SNX29: variants seen among roughly 807,000 people sequenced by gnomAD.
SNX29 encodes the protein sorting nexin 29.
In SNX29, 78 loss-of-function variants were observed where a neutral mutation model predicts 102.1. That is an observed-to-expected ratio of 0.76 (90% CI 0.64 to 0.92). The LOEUF (loss-of-function observed/expected upper bound fraction) is 0.92, where lower values mean the gene tolerates loss of function less well. Among genes scored for constraint, SNX29 ranks in the 40% least tolerant of loss-of-function variants. The probability of loss-of-function intolerance (pLI) is 0.00; values close to 1 mark genes in which losing one functional copy is unlikely to be tolerated. For synonymous variants in SNX29, 580 were observed against 414.5 expected, an observed-to-expected ratio of 1.40 and a Z score of -4.85; for missense variants, 1,280 against 1,061.7, an observed-to-expected ratio of 1.21 and a Z score of -2.86.
chr16:12,522,732 C>T (rs554878334), intron 19 of SNX29, among the ~76,000 whole-genome samples: 6 of 152,310 alleles, frequency 3.9e-5, no homozygotes, highest in Admixed American at 6.5e-5. Context: ...ACCATGTTTC[C>T]TGTACAGCCT....
At position 12,570,263 on chromosome 16, in the gene SNX29, G is replaced by T; in HGVS notation, c.*1634G>T. 1 of 1,065,146 alleles carries T rather than the reference G, an allele frequency of 9.4e-7. No homozygotes were observed. The highest frequency in any genetic ancestry group is 4.6e-5 in the South Asian group (1 of 21,962). The allele number at this position is 1,065,146 out of a possible 1,614,324, so 66.0% of individuals were successfully genotyped here. ...GACCAAATGAGCTGGAGCATGTATG[G>T]AGGTGCGGACCCTGCAGTCAGTTTG... On this transcript the variant is annotated 3_prime_UTR_variant, in exon 21 of 21. Coordinates refer to ENST00000566228, the MANE Select transcript of SNX29 (RefSeq NM_032167.5).
chr16:12,167,622 T>C (rs1456729241), intron 13 of SNX29, among the ~76,000 whole-genome samples: 1 of 151,928 alleles, frequency 6.6e-6, no homozygotes, highest in African/African-American at 2.4e-5. Flanking sequence ...ATTTATTGAG[T>C]GTTTAGTGTG....
chr16:12,037,915 A>T (rs1028233365), intron 4 of SNX29, among the ~76,000 whole-genome samples: 1 of 152,122 alleles, frequency 6.6e-6, no homozygotes, highest in African/African-American at 2.4e-5. Context: ...TGATTGTGCC[A>T]CTGTGCTCTA....
chr16:12,554,289 G>A (rs77821036), intron 20 of SNX29, among the ~76,000 whole-genome samples: 2,144 of 152,282 alleles, frequency 0.014, 47 homozygotes, highest in African/African-American at 0.048. Context: ...ATGGGTGCTT[G>A]CTTCATATGA....
intron 20 of SNX29, among the ~76,000 whole-genome samples, chr16:12,555,997 G>A (rs567480446): frequency 7.4e-5 from 11 of 149,488 alleles, no homozygotes; most frequent in South Asian, 2.1e-4. Context: ...TGTTTTTTTT[G>A]TTCACTTGTC....
chr16:12,470,182 A>T (rs1439399436), intron 18 of SNX29, among the ~76,000 whole-genome samples: 1 of 152,196 alleles, frequency 6.6e-6, no homozygotes, highest in East Asian at 1.9e-4. Flanking sequence ...ATGCAGAAAA[A>T]AGTATTTAGT....
At chr16:12,395,643 C>T (rs2083692563) in intron 16 of SNX29, among the ~76,000 whole-genome samples, 1 of 152,142 alleles carries the variant, frequency 6.6e-6, no homozygotes, top group Non-Finnish European at 1.5e-5. Context: ...GTTTGTGCCC[C>T]ATATTGAGGG....
chr16:12,566,204 A>C (rs543552380), intron 20 of SNX29, among the ~76,000 whole-genome samples: 28 of 152,338 alleles, frequency 1.8e-4, no homozygotes, highest in African/African-American at 6.7e-4. Flanking sequence ...CCACCACAGT[A>C]CTAGGATATG....
chr16:12,131,710 G>C (rs570511266), intron 13 of SNX29, among the ~76,000 whole-genome samples: 1 of 152,318 alleles, frequency 6.6e-6, no homozygotes, highest in African/African-American at 2.4e-5. Context: ...CACGTCTTGT[G>C]GATGTGCAAG....
Position 12,570,125 on chromosome 16 carries a change from CT to C in SNX29, c.*1499del, listed in dbSNP as rs2079155510. ...AGCAAAAAGGAAGATTGTTCATGGC[CT>C]TTAAGGAAGGCTGAGATCACTCACA... On this transcript the variant is annotated 3_prime_UTR_variant, in exon 21 of 21. Transcript: ENST00000566228. 1 of 1,046,714 alleles carries C rather than the reference CT, an allele frequency of 9.6e-7. No homozygotes were observed. The highest frequency in any genetic ancestry group is 5.0e-5 in the East Asian group (1 of 19,844). The allele number at this position is 1,046,714 out of a possible 1,614,324, so 64.8% of individuals were successfully genotyped here.
chr16:12,510,506 C>A (rs765752402), intron 19 of SNX29, among the ~76,000 whole-genome samples: 3 of 152,034 alleles, frequency 2.0e-5, no homozygotes, highest in Non-Finnish European at 4.4e-5. Flanking sequence ...AACCCTGTCT[C>A]TACTAAAAAG....
intron 20 of SNX29, 137 bp from the exon 21 acceptor site, chr16:12,568,369 G>A (rs561678917): frequency 5.1e-6 from 6 of 1,184,278 alleles, no homozygotes; most frequent in Admixed American, 2.3e-5. Context: ...GGTGGCACCA[G>A]TTAGAGGCAG....
intron 18 of SNX29, among the ~76,000 whole-genome samples, chr16:12,429,341 T>C (rs534835719): frequency 6.6e-6 from 1 of 152,368 alleles, no homozygotes; most frequent in African/African-American, 2.4e-5. Context: ...ACGATTGCAG[T>C]TGATATCTCC....
intron 20 of SNX29, among the ~76,000 whole-genome samples, chr16:12,563,177 A>C (rs979922922): frequency 4.9e-5 from 7 of 142,266 alleles, no homozygotes; most frequent in African/African-American, 1.9e-4. Context: ...GGGCTCAGGG[A>C]TGTCACTTCC....
At chr16:12,200,590 C>G (rs2076889478) in intron 14 of SNX29, among the ~76,000 whole-genome samples, 2 of 152,054 alleles carry the variant, frequency 1.3e-5, no homozygotes, top group South Asian at 4.2e-4. Context: ...TCAAGCGATT[C>G]TCCTGCCTCA....
rs1274249931 is a variant in SNX29, at chr16:12,568,905, T to TC, written c.*278dup. ...GTCTACCCTGGGCTGCAAGGGCTGT[T>TC]CCTCCACCTTTCTGTAGTTCAGGGC... On this transcript the variant is annotated 3_prime_UTR_variant, in exon 21 of 21. Coordinates refer to ENST00000566228, the MANE Select transcript of SNX29 (RefSeq NM_032167.5). 2.1e-6 allele frequency: 1 copy of TC among 473,552 alleles called. No homozygotes were observed. Among genetic ancestry groups the TC allele is most frequent in the Admixed American group, 4.0e-5 (1 of 25,266 alleles). The allele number at this position is 473,552 out of a possible 1,614,324, so 29.3% of individuals were successfully genotyped here. A position where few individuals can be genotyped will look rare whatever the true frequency, so the allele number is the denominator to read the frequency against.
chr16:12,050,642 G>A (rs2050260687), intron 7 of SNX29, among the ~76,000 whole-genome samples: 1 of 152,022 alleles, frequency 6.6e-6, no homozygotes, highest in African/African-American at 2.4e-5. Context: ...CAGGGCCACT[G>A]TCCAGGAAAG....
chr16:12,363,692 C>A (rs1345456671), intron 16 of SNX29, among the ~76,000 whole-genome samples: 2 of 152,170 alleles, frequency 1.3e-5, no homozygotes, highest in African/African-American at 4.8e-5. Context: ...GTGCATAGAC[C>A]AAATGATAAT....
chr16:12,365,749 A>C lies in SNX29; in HGVS notation c.1899+9470A>C, dbSNP rs1304409723. Reference sequence around the variant, plus strand: ...TCTAGAGAAGGCAGAGTTGCCCAAAAGCAGAACAGTGGGCCGGGCGCGGTG... The same window carrying C: ...TCTAGAGAAGGCAGAGTTGCCCAAACGCAGAACAGTGGGCCGGGCGCGGTG... On this transcript the variant is annotated intron_variant, in intron 16 of 20. Coordinates refer to ENST00000566228, the MANE Select transcript of SNX29 (RefSeq NM_032167.5). 3.3e-5 allele frequency among the ~76,000 whole-genome samples: 5 copies of C among 150,520 alleles called. 1 individual carries two copies. In the South Asian group the frequency reaches 8.4e-4, roughly 25 times the overall value.
Sources: allele counts gnomAD v4.1 joint callset (sites outside exome capture counted in the v4.1 genomes callset), GRCh38; gene constraint gnomAD v4.1.1; transcripts MANE v1.5; gene names NCBI Gene and HGNC (gene_info 2026-07-23, HGNC 2026-07-21).